The following ZNF710 variants were observed in gnomAD, a reference collection of about 807,000 sequenced individuals.
ZNF710 encodes the protein zinc finger protein 710.
ZNF710 carries 13 observed loss-of-function variants against 50.6 expected under a neutral mutation model. That is an observed-to-expected ratio of 0.26 (90% CI 0.17 to 0.41). The LOEUF (loss-of-function observed/expected upper bound fraction) is 0.41. Among genes scored for constraint, ZNF710 ranks in the 10% least tolerant of loss-of-function variants. The pLI is 1.00. For missense variants in ZNF710, 721 were observed against 936.6 expected, an observed-to-expected ratio of 0.77 and a Z score of 3.01; for synonymous variants, 383 against 397.0, an observed-to-expected ratio of 0.96 and a Z score of 0.42.
chr15:90,026,263 C>CAAAAAAAAAAAAAAAAA (rs140942275), intron 1 of ZNF710, among the ~76,000 whole-genome samples: 1 of 100,536 alleles, frequency 9.9e-6, no homozygotes. Flanking sequence ...ACAACAACAA[C>CAAAAAAAAAAAAAAAAA]AACAACAAAA....
At chr15:90,004,806 G>A (rs898029772) in intron 1 of ZNF710, among the ~76,000 whole-genome samples, 5 of 152,204 alleles carry the variant, frequency 3.3e-5, no homozygotes, top group South Asian at 4.1e-4. Context: ...CGCTCACGCC[G>A]CACACGAGTT....
intron 1 of ZNF710, among the ~76,000 whole-genome samples, chr15:90,041,319 T>C (rs1899288939): frequency 6.6e-6 from 1 of 152,070 alleles, no homozygotes; most frequent in Admixed American, 6.5e-5. Flanking sequence ...GCCTCCAGAG[T>C]AGCTAAGACT....
At chr15:90,060,928 G>A (rs1334132580) in intron 1 of ZNF710, among the ~76,000 whole-genome samples, 1 of 152,200 alleles carries the variant, frequency 6.6e-6, no homozygotes, top group African/African-American at 2.4e-5. Context: ...TGAGCAACCT[G>A]GTGATTCAAG....
intron 1 of ZNF710, among the ~76,000 whole-genome samples, chr15:90,060,665 C>T (rs1899978308): frequency 6.6e-6 from 1 of 152,024 alleles, no homozygotes; most frequent in Non-Finnish European, 1.5e-5. Context: ...ACCAGCCTGG[C>T]CAACATGGTG....
intron 1 of ZNF710, among the ~76,000 whole-genome samples, chr15:90,054,721 T>C (rs1899756934): frequency 6.6e-6 from 1 of 152,248 alleles, no homozygotes; most frequent in Non-Finnish European, 1.5e-5. Context: ...TGAAGTTTTG[T>C]CTGCTTTTCC....
At chr15:90,066,167 G>A (rs939475161) in intron 1 of ZNF710, among the ~76,000 whole-genome samples, 3 of 152,168 alleles carry the variant, frequency 2.0e-5, no homozygotes, top group East Asian at 1.9e-4. Context: ...GATGTTTATC[G>A]TCGGGGCTGA....
At chr15:90,055,555 C>T (rs1405849632) in intron 1 of ZNF710, among the ~76,000 whole-genome samples, 4 of 152,138 alleles carry the variant, frequency 2.6e-5, no homozygotes, top group African/African-American at 7.2e-5. Flanking sequence ...ATGTCGTGAC[C>T]GATTGGTACA....
intron 1 of ZNF710, among the ~76,000 whole-genome samples, chr15:90,032,214 T>G (rs1387328092): frequency 6.6e-6 from 1 of 151,850 alleles, no homozygotes; most frequent in East Asian, 2.0e-4. Context: ...GCCAGGCTGG[T>G]CTCGAGCTCC....
intron 1 of ZNF710, among the ~76,000 whole-genome samples, chr15:90,032,543 C>T (rs955672662): frequency 1.3e-5 from 2 of 151,806 alleles, no homozygotes; most frequent in African/African-American, 4.8e-5. Context: ...TTTGGGAGGC[C>T]TAGGCAGGAG....
intron 1 of ZNF710, among the ~76,000 whole-genome samples, chr15:90,008,441 C>CATATATATATATACACACAT (rs1011267136): frequency 2.4e-5 from 3 of 126,438 alleles, no homozygotes; most frequent in African/African-American, 7.6e-5. Context: ...TATATATATA[C>CATATATATATATACACACAT]ATATATATAT....
intron 4 of ZNF710, among the ~76,000 whole-genome samples, chr15:90,077,363 C>T (rs986108641): frequency 1.3e-5 from 2 of 151,760 alleles, no homozygotes; most frequent in African/African-American, 4.8e-5. Context: ...CCTGCCTCAG[C>T]CTCCCAAGTA....
At chr15:90,064,718 C>G (rs1402874532) in intron 1 of ZNF710, among the ~76,000 whole-genome samples, 3 of 152,168 alleles carry the variant, frequency 2.0e-5, no homozygotes, top group African/African-American at 7.2e-5. Context: ...GAACTCCTGA[C>G]CTCAAGTGAT....
At chr15:90,027,878 C>T (rs1483974800) in intron 1 of ZNF710, among the ~76,000 whole-genome samples, 1 of 149,884 alleles carries the variant, frequency 6.7e-6, no homozygotes, top group African/African-American at 2.5e-5. Flanking sequence ...AATTTGAAGA[C>T]AATATGCACA....
At chr15:90,009,316 G>A (rs1898235984) in intron 1 of ZNF710, among the ~76,000 whole-genome samples, 2 of 152,064 alleles carry the variant, frequency 1.3e-5, no homozygotes, top group South Asian at 4.1e-4. Flanking sequence ...TTGGAAGCTG[G>A]TAGTGCTGGT....
intron 1 of ZNF710, among the ~76,000 whole-genome samples, chr15:90,032,155 G>A (rs569275631): frequency 3.3e-5 from 5 of 152,104 alleles, no homozygotes; most frequent in Admixed American, 1.3e-4. Context: ...CTGCCACCAC[G>A]CCTAGCTAAT....
At chr15:90,066,474 A>ATT (rs71461840) in intron 1 of ZNF710, among the ~76,000 whole-genome samples, 1,466 of 120,504 alleles carry the variant, frequency 0.012, 51 homozygotes, top group African/African-American at 0.033. Context: ...ATTTTTAAGG[A>ATT]TTTTTTTTTT....
intron 1 of ZNF710, among the ~76,000 whole-genome samples, chr15:90,002,784 C>A (rs1218761085): frequency 6.6e-6 from 1 of 152,192 alleles, no homozygotes; most frequent in Non-Finnish European, 1.5e-5. Flanking sequence ...CAGGGAGGTG[C>A]TTGTGTGGAT....
intron 1 of ZNF710, among the ~76,000 whole-genome samples, chr15:90,018,571 C>T (rs1050581022): frequency 6.6e-6 from 1 of 152,222 alleles, no homozygotes; most frequent in Non-Finnish European, 1.5e-5. Flanking sequence ...TTTGAATTCA[C>T]TGTCTAAAGA....
chr15:90,018,774 TC>T (rs1159286873), intron 1 of ZNF710, among the ~76,000 whole-genome samples: 6 of 152,228 alleles, frequency 3.9e-5, no homozygotes, highest in Admixed American at 2.0e-4. Context: ...CTCTCAGTCT[TC>T]CTGTGCTCAG....
Sources: allele counts gnomAD v4.1 joint callset (sites outside exome capture counted in the v4.1 genomes callset), GRCh38; gene constraint gnomAD v4.1.1; transcripts MANE v1.5; gene names NCBI Gene and HGNC (gene_info 2026-07-23, HGNC 2026-07-21).